Variants in OPCML observed in about 807,000 individuals in gnomAD.
The protein encoded by OPCML is opioid-binding protein/cell adhesion molecule.
A neutral mutation model predicts 37.8 loss-of-function variants in OPCML; 13 were observed. That is an observed-to-expected ratio of 0.34 (90% CI 0.22 to 0.55). The LOEUF is 0.55. Ranked by LOEUF, OPCML falls within the 20% of genes least tolerant of loss-of-function variation. The probability of loss-of-function intolerance (pLI) is 0.91; values close to 1 mark genes in which losing one functional copy is unlikely to be tolerated. For synonymous variants in OPCML, 176 were observed against 168.8 expected (o/e 1.04, Z -0.33); for missense variants, 341 against 435.6 (o/e 0.78, Z 1.93).
At chr11:132,933,369 G>A (rs1372906097) in intron 2 of OPCML, among the ~76,000 whole-genome samples, 1 of 152,174 alleles carries the variant, frequency 6.6e-6, no homozygotes, top group Non-Finnish European at 1.5e-5. Flanking sequence ...AGAATCTCCT[G>A]CCTGTGGCTT....
intron 1 of OPCML, among the ~76,000 whole-genome samples, chr11:133,472,390 A>T (rs1947137862): frequency 6.6e-6 from 1 of 152,164 alleles, no homozygotes; most frequent in Admixed American, 6.5e-5. Context: ...GGCACAAGAA[A>T]GTCCTGACGG....
At chr11:132,535,932 C>T (rs2137333311) in intron 3 of OPCML, among the ~76,000 whole-genome samples, 2 of 152,218 alleles carry the variant, frequency 1.3e-5, no homozygotes, top group Middle Eastern at 6.8e-3. Flanking sequence ...GTCAAGAACT[C>T]CCACGTTGTC....
intron 2 of OPCML, among the ~76,000 whole-genome samples, chr11:132,894,045 T>C (rs191459899): frequency 4.7e-4 from 71 of 152,330 alleles, no homozygotes; most frequent in African/African-American, 1.7e-3. Context: ...TTCTAGTCTT[T>C]TCTTCTCTAA....
intron 2 of OPCML, among the ~76,000 whole-genome samples, chr11:132,836,837 C>T (rs558924946): frequency 1.3e-5 from 2 of 151,972 alleles, no homozygotes; most frequent in South Asian, 2.1e-4. Flanking sequence ...CTGTGAGTGT[C>T]GGGCAGGGAG....
At chr11:133,024,286 G>T in intron 1 of OPCML, 1 of 910,348 alleles carries the variant, frequency 1.1e-6, no homozygotes, top group Non-Finnish European at 1.3e-6. Flanking sequence ...GAGCAAGCGT[G>T]TTGTGCAGTG....
chr11:132,686,784 T>C (rs1943175545), intron 2 of OPCML, among the ~76,000 whole-genome samples: 1 of 152,222 alleles, frequency 6.6e-6, no homozygotes, highest in South Asian at 2.1e-4. Context: ...ATGTTTCGAA[T>C]GCCCTATTCT....
intron 1 of OPCML, among the ~76,000 whole-genome samples, chr11:133,071,164 C>T (rs535620794): frequency 6.6e-6 from 1 of 152,356 alleles, no homozygotes; most frequent in East Asian, 1.9e-4. Flanking sequence ...AGACAGGCAG[C>T]TCATCAAAGA....
intron 3 of OPCML, among the ~76,000 whole-genome samples, chr11:132,643,879 C>A (rs757638709): frequency 6.6e-6 from 1 of 152,110 alleles, no homozygotes; most frequent in South Asian, 2.1e-4. Flanking sequence ...AAATCTACAT[C>A]CTGAATCAAA....
intron 2 of OPCML, among the ~76,000 whole-genome samples, chr11:132,680,870 T>G (rs1444859065): frequency 6.6e-6 from 1 of 152,156 alleles, no homozygotes; most frequent in Non-Finnish European, 1.5e-5. Context: ...AGAAGACGCC[T>G]GTTGCCCTCA....
intron 4 of OPCML, among the ~76,000 whole-genome samples, chr11:132,519,621 G>T (rs772730846): frequency 1.3e-5 from 2 of 152,068 alleles, no homozygotes; most frequent in Non-Finnish European, 2.9e-5. Context: ...AAAGCACATT[G>T]CTAGACCTTC....
intron 1 of OPCML, among the ~76,000 whole-genome samples, chr11:133,265,705 G>T (rs1214255703): frequency 6.6e-6 from 1 of 152,272 alleles, no homozygotes; most frequent in East Asian, 1.9e-4. Context: ...TGTGTCTGAA[G>T]GAGTCAGGCT....
intron 1 of OPCML, among the ~76,000 whole-genome samples, chr11:133,061,993 G>T (rs1024185265): frequency 2.6e-5 from 4 of 152,186 alleles, no homozygotes; most frequent in African/African-American, 9.7e-5. Context: ...AGCTACAAAA[G>T]GTGACACCAA....
At chr11:133,259,901 A>C (rs1391146768) in intron 1 of OPCML, among the ~76,000 whole-genome samples, 1 of 152,206 alleles carries the variant, frequency 6.6e-6, no homozygotes, top group Non-Finnish European at 1.5e-5. Flanking sequence ...TACGGTAGTG[A>C]ACATAACAGA....
At chr11:133,355,964 G>C (rs1486066681) in intron 1 of OPCML, among the ~76,000 whole-genome samples, 2 of 152,162 alleles carry the variant, frequency 1.3e-5, no homozygotes, top group African/African-American at 2.4e-5. Flanking sequence ...GATTTAAATA[G>C]AGTGGGCATT....
chr11:133,117,533 A>G (rs1425978198), intron 1 of OPCML, among the ~76,000 whole-genome samples: 1 of 152,114 alleles, frequency 6.6e-6, no homozygotes, highest in African/African-American at 2.4e-5. Context: ...CTTTCCCACC[A>G]TATACCTATT....
At chr11:133,009,638 G>A (rs190363251) in intron 1 of OPCML, among the ~76,000 whole-genome samples, 226 of 152,292 alleles carry the variant, frequency 1.5e-3, no homozygotes, top group Non-Finnish European at 2.8e-3. Context: ...GGGTGGGTGC[G>A]GAGAATGAAA....
chr11:132,944,822 T>C (rs181769701), intron 1 of OPCML, among the ~76,000 whole-genome samples: 62 of 152,324 alleles, frequency 4.1e-4, no homozygotes, highest in Admixed American at 3.7e-3. Flanking sequence ...AGCCTCCCCG[T>C]TGTATTCTAA....
chr11:133,152,159 C>T (rs1434711599), intron 1 of OPCML, among the ~76,000 whole-genome samples: 1 of 152,006 alleles, frequency 6.6e-6, no homozygotes, highest in African/African-American at 2.4e-5. Flanking sequence ...GAATCCAAAC[C>T]GCTGAACAAA....
chr11:132,815,553 T>G (rs1010428603), intron 2 of OPCML, among the ~76,000 whole-genome samples: 3 of 152,190 alleles, frequency 2.0e-5, no homozygotes, highest in African/African-American at 7.2e-5. Flanking sequence ...CCCAAAATAC[T>G]TTATGCCCTT....
Sources: allele counts gnomAD v4.1 joint callset (sites outside exome capture counted in the v4.1 genomes callset), GRCh38; gene constraint gnomAD v4.1.1; transcripts MANE v1.5; gene names NCBI Gene and HGNC (gene_info 2026-07-23, HGNC 2026-07-21).